Variants in TCF24 observed in about 807,000 individuals in gnomAD.
TCF24 encodes transcription factor 24.
In TCF24, 5 loss-of-function variants were observed where a neutral mutation model predicts 9.3. The observed-to-expected ratio is 0.54, with a 90% confidence interval of 0.28 to 1.13. TCF24 has a LOEUF of 1.13. TCF24 is among the 50% of genes most tolerant of loss of function. The probability of loss-of-function intolerance (pLI) is 0.09; values close to 1 mark genes in which losing one functional copy is unlikely to be tolerated. For missense variants in TCF24, 220 were observed against 236.1 expected (o/e 0.93, Z 0.45); for synonymous variants, 110 against 115.8 (o/e 0.95, Z 0.32).
intron 2 of TCF24, 26 bp downstream of exon 2, chr8:66,961,850 GC>G: frequency 2.0e-6 from 2 of 998,572 alleles, no homozygotes; most frequent in Non-Finnish European, 2.4e-6. Context: ...GAGAGGCGCA[GC>G]CCCCTGGTTC....
intron 3 of TCF24, among the ~76,000 whole-genome samples, chr8:66,953,782 G>A (rs1814098551): frequency 1.3e-5 from 2 of 152,010 alleles, no homozygotes; most frequent in Non-Finnish European, 2.9e-5. Flanking sequence ...TTTCTTGGAG[G>A]CTTTGCTCAG....
At chr8:66,952,089 T>C (rs1489529561) in intron 3 of TCF24, among the ~76,000 whole-genome samples, 1 of 149,398 alleles carries the variant, frequency 6.7e-6, no homozygotes, top group African/African-American at 2.4e-5. Flanking sequence ...TGTGTCTCTA[T>C]TTCCTTCATT....
Position 66,957,550 on chromosome 8 carries a change from G to A in TCF24, c.390+3826C>T, listed in dbSNP as rs180797817. Among the ~76,000 whole-genome samples, 137 of 152,110 alleles carry A rather than the reference G, an allele frequency of 9.0e-4. 1 individual carries two copies. The highest frequency in any genetic ancestry group is 3.2e-3 in the African/African-American group (134 of 41,516). On this transcript the variant is annotated intron_variant, in intron 3 of 3. Coordinates refer to ENST00000563496, the MANE Select transcript of TCF24 (RefSeq NM_001193502.2). The stretch of plus-strand genomic sequence containing the variant: ...TCCGAGGAACTAAACCCTGCATCTT[G>A]ATTTTGGATTTTCCAGTCTCCAGAC...
chr8:66,962,125 C>T (rs1814269071), intron 1 of TCF24, 138 bp from the exon 2 acceptor site: 1 of 152,486 alleles, frequency 6.6e-6, no homozygotes, highest in Non-Finnish European at 1.5e-5. Context: ...GTGACTTTAT[C>T]CAACCCGGCA....
chr8:66,949,622 T>C (rs1814024700), intron 3 of TCF24, among the ~76,000 whole-genome samples: 1 of 152,290 alleles, frequency 6.6e-6, no homozygotes, highest in Admixed American at 6.5e-5. Flanking sequence ...ATATACCCAG[T>C]AATGGGATGG....
intron 3 of TCF24, among the ~76,000 whole-genome samples, chr8:66,953,939 A>G (rs1479910539): frequency 1.3e-5 from 2 of 151,266 alleles, no homozygotes; most frequent in African/African-American, 2.4e-5. Flanking sequence ...CTTGGTTTTC[A>G]GCTCCATCAG....
At chr8:66,949,527 C>CA (rs1337443285) in intron 3 of TCF24, among the ~76,000 whole-genome samples, 1 of 152,100 alleles carries the variant, frequency 6.6e-6, no homozygotes, top group Non-Finnish European at 1.5e-5. Context: ...GGGTTGGTTC[C>CA]AAGTCTTTGC....
chr8:66,948,218 TA>T (rs1473052391), intron 3 of TCF24, 54 bp from the exon 4 acceptor site: 2 of 1,269,656 alleles, frequency 1.6e-6, no homozygotes, highest in Non-Finnish European at 2.2e-6. Flanking sequence ...TGACATATAT[TA>T]ACATGGTCTA....
intron 3 of TCF24, among the ~76,000 whole-genome samples, chr8:66,958,360 TAGCAAACTCATAATTA>T (rs1814196712): frequency 6.6e-6 from 1 of 152,204 alleles, no homozygotes; most frequent in Non-Finnish European, 1.5e-5. Flanking sequence ...TTAGAAAATT[TAGCAAACTCATAATTA>T]ACTAGAACTG....
intron 3 of TCF24, among the ~76,000 whole-genome samples, chr8:66,960,863 G>A (rs1337731082): frequency 6.6e-6 from 1 of 152,114 alleles, no homozygotes; most frequent in African/African-American, 2.4e-5. Context: ...TAGAGATGCA[G>A]AATGGTCTCA....
In TCF24 at chr8:66,959,031, A is replaced by G. The variant is rs1585946376; in HGVS notation, c.390+2345T>C. On this transcript the variant is annotated intron_variant, in intron 3 of 3. Coordinates refer to ENST00000563496, the MANE Select transcript of TCF24 (RefSeq NM_001193502.2). ...AGTTGCCCAGGCATGCAGTGGTGCAATGTAGCCACAATCTCTTGGGCTCAA... is the reference window on the plus strand; with the variant it reads ...AGTTGCCCAGGCATGCAGTGGTGCAGTGTAGCCACAATCTCTTGGGCTCAA... Among the ~76,000 whole-genome samples, 4 of 152,186 alleles carry G rather than the reference A, an allele frequency of 2.6e-5. No individual in the cohort carries two copies. The South Asian group carries it at 8.3e-4, about 32-fold the overall frequency.
chr8:66,959,112 A>T (rs1261105188), intron 3 of TCF24, among the ~76,000 whole-genome samples: 1 of 152,222 alleles, frequency 6.6e-6, no homozygotes, highest in African/African-American at 2.4e-5. Context: ...CACACACCAC[A>T]GCCACCTAAT....
intron 3 of TCF24, 141 bp downstream of exon 3, chr8:66,961,235 G>C: frequency 8.5e-7 from 1 of 1,182,250 alleles, no homozygotes; most frequent in Non-Finnish European, 1.1e-6. Context: ...CAGTACCCTC[G>C]CGGGCCGAGG....
At chr8:66,958,932 C>T (rs912942718) in intron 3 of TCF24, among the ~76,000 whole-genome samples, 1 of 152,178 alleles carries the variant, frequency 6.6e-6, no homozygotes, top group Non-Finnish European at 1.5e-5. Context: ...AGGCTATGCA[C>T]CAGGTTCCCA....
At chr8:66,957,707 C>T (rs1012862769) in intron 3 of TCF24, among the ~76,000 whole-genome samples, 1 of 151,846 alleles carries the variant, frequency 6.6e-6, no homozygotes, top group Non-Finnish European at 1.5e-5. Context: ...ACATTATATA[C>T]CAGTGCTTTG....
chr8:66,949,101 TTTTTC>T (rs991175352), intron 3 of TCF24, among the ~76,000 whole-genome samples: 12 of 152,174 alleles, frequency 7.9e-5, no homozygotes, highest in African/African-American at 2.9e-4. Flanking sequence ...TAGCTCTTTT[TTTTTC>T]TTTTTTTTTT....
Position 66,948,045 on chromosome 8 carries a change from G to GA in TCF24, c.*5dup, listed in dbSNP as rs1384062849. On this transcript the variant is annotated 3_prime_UTR_variant, in exon 4 of 4. Coordinates refer to ENST00000563496, the MANE Select transcript of TCF24 (RefSeq NM_001193502.2). ...CCACTTCTACCAGCCCCCACCAGGG[G>GA]AGAGCCTAAGGCTGTGAGTCTGTTG... 2.0e-6 allele frequency: 3 copies of GA among 1,515,390 alleles called. No individual in the cohort carries two copies. Among genetic ancestry groups the GA allele is most frequent in the Non-Finnish European group, 2.6e-6 (3 of 1,137,840 alleles). 93.9% of individuals were successfully genotyped at this position (1,515,390 alleles called of 1,614,324 possible). A position where few individuals can be genotyped will look rare whatever the true frequency, so the allele number is the denominator to read the frequency against.
At chr8:66,957,045 G>A (rs1366246798) in intron 3 of TCF24, among the ~76,000 whole-genome samples, 4 of 149,392 alleles carry the variant, frequency 2.7e-5, no homozygotes, top group Non-Finnish European at 5.9e-5. Context: ...CCCAGGAGGC[G>A]GAGGTTGCAG....
intron 3 of TCF24, among the ~76,000 whole-genome samples, chr8:66,957,721 C>T (rs1157973598): frequency 6.6e-6 from 1 of 151,870 alleles, no homozygotes; most frequent in African/African-American, 2.4e-5. Context: ...TGCTTTGAAA[C>T]CTTTTACCTG....
Sources: allele counts gnomAD v4.1 joint callset (sites outside exome capture counted in the v4.1 genomes callset), GRCh38; gene constraint gnomAD v4.1.1; transcripts MANE v1.5; gene names NCBI Gene and HGNC (gene_info 2026-07-23, HGNC 2026-07-21).